PTPRN2: variants seen among roughly 807,000 people sequenced by gnomAD.
PTPRN2 encodes the protein receptor-type tyrosine-protein phosphatase N2.
In PTPRN2, 74 loss-of-function variants were observed where a neutral mutation model predicts 118.8. The ratio of observed to expected loss-of-function variants is 0.62; its 90% confidence interval spans 0.52 to 0.76. The LOEUF (loss-of-function observed/expected upper bound fraction) is 0.76. Ranked by LOEUF, PTPRN2 falls within the 30% of genes least tolerant of loss-of-function variation. The pLI, the probability that PTPRN2 is intolerant of heterozygous loss-of-function variation, is 0.00. For synonymous variants in PTPRN2, 641 were observed against 608.0 expected (o/e 1.05, Z -0.80); for missense variants, 1,481 against 1,394.4 (o/e 1.06, Z -0.99).
intron 11 of PTPRN2, among the ~76,000 whole-genome samples, chr7:158,052,040 T>G (rs1186407598): frequency 6.6e-6 from 1 of 152,210 alleles, no homozygotes; most frequent in Non-Finnish European, 1.5e-5. Flanking sequence ...CCCATCTGCA[T>G]AGGAGGCTGC....
At chr7:158,210,280 C>T (rs946057808) in intron 3 of PTPRN2, among the ~76,000 whole-genome samples, 4 of 151,416 alleles carry the variant, frequency 2.6e-5, no homozygotes, top group African/African-American at 4.8e-5. Flanking sequence ...GGACTACAGG[C>T]GCCCGCTACC....
At position 158,138,366 on chromosome 7, in the gene PTPRN2, T is replaced by C. The variant is rs958910405; in HGVS notation, c.1060A>G (p.Arg354Gly). 6.2e-7 allele frequency: 1 copy of C among 1,613,800 alleles called. No homozygotes were observed. Among genetic ancestry groups the C allele is most frequent in the Admixed American group, 1.7e-5 (1 of 60,026 alleles). Reference sequence around the variant, plus strand: ...TCTCCAGACTCTCCCAGGGCCGCTCTCCCAGGGCTGCCTCGAGCTACTCCA... The same window carrying C: ...TCTCCAGACTCTCCCAGGGCCGCTCCCCCAGGGCTGCCTCGAGCTACTCCA... Reference protein sequence around the residue: ...DHGVARGSPGRAALGESGEQA... With the variant: ...DHGVARGSPGGAALGESGEQA... The change falls in exon 7 of 23, where the codon AGA (arginine) becomes GGA (glycine). Residue 354 changes from arginine (R) to glycine (G), a missense_variant. Around this residue, in one of 3 missense-constraint regions of PTPRN2, gnomAD observed 1,115 missense variants for 994.2 expected, o/e 1.12. Coordinates refer to ENST00000389418, the MANE Select transcript of PTPRN2 (RefSeq NM_002847.5).
In PTPRN2 at chr7:157,899,637, G is replaced by A. The variant is rs868169715; in HGVS notation, c.1724-900C>T. ...AATTACTCTCACCCCTTATTGTAAC[G>A]CCCCTGTGTTAATCTGGGGTAATGA... On this transcript the variant is annotated intron_variant, in intron 11 of 22. Transcript: ENST00000389418. Among the ~76,000 whole-genome samples, 36 of 144,984 alleles carry A rather than the reference G, an allele frequency of 2.5e-4. No homozygotes were observed. The Middle Eastern group carries it at 0.01, about 41-fold the overall frequency.
chr7:157,930,584 A>AG (rs1056137488), intron 11 of PTPRN2, among the ~76,000 whole-genome samples: 20 of 152,192 alleles, frequency 1.3e-4, no homozygotes, highest in Admixed American at 1.1e-3. Flanking sequence ...GAGGGTGCCA[A>AG]GGGGGGCTTT....
chr7:158,326,480 C>G (rs1240417665), intron 2 of PTPRN2, among the ~76,000 whole-genome samples: 1 of 152,244 alleles, frequency 6.6e-6, no homozygotes, highest in Non-Finnish European at 1.5e-5. Flanking sequence ...CAAGCAACCA[C>G]ATACACAGAC....
At chr7:158,280,936 G>A (rs1799384136) in intron 3 of PTPRN2, among the ~76,000 whole-genome samples, 1 of 152,246 alleles carries the variant, frequency 6.6e-6, no homozygotes, top group South Asian at 2.1e-4. Flanking sequence ...ACGGTGCTCT[G>A]GAAACATAGG....
chr7:157,708,365 T>C (rs1563022641), intron 12 of PTPRN2, among the ~76,000 whole-genome samples: 1 of 152,192 alleles, frequency 6.6e-6, no homozygotes, highest in Non-Finnish European at 1.5e-5. Flanking sequence ...CATCACCATC[T>C]GCCCACGACC....
intron 2 of PTPRN2, among the ~76,000 whole-genome samples, chr7:158,368,508 A>T (rs62480516): frequency 0.15 from 22,453 of 152,246 alleles, 2,027 homozygotes; most frequent in Middle Eastern, 0.2. Context: ...CCACACTTTG[A>T]AAAGCTCAGT....
intron 3 of PTPRN2, among the ~76,000 whole-genome samples, chr7:158,246,829 C>G (rs925677774): frequency 2.6e-4 from 40 of 152,052 alleles, no homozygotes; most frequent in Non-Finnish European, 4.0e-4. Context: ...CCGGAATCCA[C>G]TGATGGTGCA....
At position 158,077,344 on chromosome 7, in the gene PTPRN2, G is replaced by A. The variant is rs149727269; in HGVS notation, c.1723+3954C>T. ...ACAGGCAGAAGCAGGAGGACGTCAC[G>A]GAAAGTCACCGTACCTCTGAATACA... On this transcript the variant is annotated intron_variant, in intron 11 of 22. Transcript: ENST00000389418. Among the ~76,000 whole-genome samples the A allele has an allele frequency of 2.3e-3, 343 of 152,316 alleles. 2 individuals carry two copies. Among genetic ancestry groups the A allele is most frequent in the African/African-American group, 7.8e-3 (325 of 41,570 alleles).
At chr7:157,586,442 A>G (rs1452295026) in intron 17 of PTPRN2, among the ~76,000 whole-genome samples, 1 of 152,200 alleles carries the variant, frequency 6.6e-6, no homozygotes, top group Admixed American at 6.5e-5. Flanking sequence ...AGGGAGCTGC[A>G]GGGACTGGGG....
intron 3 of PTPRN2, among the ~76,000 whole-genome samples, chr7:158,245,131 A>G (rs1796136998): frequency 6.6e-6 from 1 of 152,188 alleles, no homozygotes; most frequent in African/African-American, 2.4e-5. Context: ...GTCATGCCGG[A>G]ATCCGTGGTC....
intron 19 of PTPRN2, among the ~76,000 whole-genome samples, chr7:157,573,857 G>A (rs1234010986): frequency 2.0e-5 from 3 of 152,160 alleles, no homozygotes; most frequent in Non-Finnish European, 2.9e-5. Context: ...TTTCATATCC[G>A]TACCAGCCCC....
At chr7:158,359,077 T>C (rs1012401816) in intron 2 of PTPRN2, among the ~76,000 whole-genome samples, 1 of 152,142 alleles carries the variant, frequency 6.6e-6, no homozygotes, top group Non-Finnish European at 1.5e-5. Flanking sequence ...GGCCCCAGCA[T>C]AGCTAATCCA....
intron 3 of PTPRN2, among the ~76,000 whole-genome samples, chr7:158,313,933 G>T (rs1024937899): frequency 5.3e-5 from 8 of 151,960 alleles, no homozygotes; most frequent in Non-Finnish European, 8.8e-5. Context: ...AAATTTCTTG[G>T]TTTTTTTCTA....
chr7:158,490,748 G>A (rs1481533043), intron 1 of PTPRN2, among the ~76,000 whole-genome samples: 2 of 152,228 alleles, frequency 1.3e-5, no homozygotes, highest in African/African-American at 2.4e-5. Flanking sequence ...TTCACCAGCC[G>A]ACAAACGCCT....
intron 6 of PTPRN2, among the ~76,000 whole-genome samples, chr7:158,147,801 T>C (rs1156592322): frequency 1.4e-4 from 13 of 94,762 alleles, no homozygotes; most frequent in South Asian, 1.1e-3. Flanking sequence ...TGACACCCCA[T>C]TTCACGCCAC....
At position 158,214,729 on chromosome 7, in the gene PTPRN2, C is replaced by G. The variant is rs549793040; in HGVS notation, c.278-9456G>C. ...CCCCTGCAGTGCCAGCAGAGACCAT[C>G]TGGGAAGTTGAAACTCCCACCCCTC... On this transcript the variant is annotated intron_variant, in intron 3 of 22. Transcript: ENST00000389418. Among the ~76,000 whole-genome samples, 6 of 152,184 alleles carry G rather than the reference C, an allele frequency of 3.9e-5. No homozygotes were observed. The South Asian group carries it at 1.2e-3, about 32-fold the overall frequency.
chr7:158,112,331 T>G (rs1816351588), intron 9 of PTPRN2, among the ~76,000 whole-genome samples: 1 of 151,204 alleles, frequency 6.6e-6, no homozygotes, highest in South Asian at 2.1e-4. Flanking sequence ...TGAACAGAGG[T>G]GAAGGAGCTG....
Sources: allele counts gnomAD v4.1 joint callset (sites outside exome capture counted in the v4.1 genomes callset), GRCh38; gene constraint gnomAD v4.1.1; regional missense constraint gnomAD v4.1.1; transcripts MANE v1.5; gene names NCBI Gene and HGNC (gene_info 2026-07-23, HGNC 2026-07-21).